RYR3: variants seen among roughly 807,000 people sequenced by gnomAD.
RYR3 encodes brain ryanodine receptor-calcium release channel.
Under a neutral mutation model 584.3 loss-of-function variants are expected in RYR3, and 207 were observed. The observed-to-expected ratio is 0.35, with a 90% CI of 0.32 to 0.40. The LOEUF is 0.40. Ranked by LOEUF, RYR3 falls within the 10% of genes least tolerant of loss-of-function variation. RYR3 has a pLI of 1.00. For synonymous variants in RYR3, 2,416 were observed against 2,248.5 expected, an observed-to-expected ratio of 1.07 and a Z score of -2.11; for missense variants, 5,616 against 6,089.2, an observed-to-expected ratio of 0.92 and a Z score of 2.59.
chr15:33,805,774 G>A (rs566518963), intron 69 of RYR3, among the ~76,000 whole-genome samples: 3 of 152,172 alleles, frequency 2.0e-5, no homozygotes, highest in East Asian at 3.9e-4. Flanking sequence ...ACCACACCCG[G>A]CCTTCTCTTT....
intron 32 of RYR3, among the ~76,000 whole-genome samples, chr15:33,657,269 T>C (rs1186664084): frequency 6.6e-6 from 1 of 152,216 alleles, no homozygotes; most frequent in Non-Finnish European, 1.5e-5. Flanking sequence ...GTTTGGGCAG[T>C]TTATGAAGTT....
chr15:33,472,374 A>G (rs2049002085), intron 1 of RYR3, among the ~76,000 whole-genome samples: 1 of 152,192 alleles, frequency 6.6e-6, no homozygotes, highest in Non-Finnish European at 1.5e-5. Flanking sequence ...TTTCTACTTA[A>G]TCTGCCTTTC....
intron 98 of RYR3, 103 bp from the exon 99 acceptor site, chr15:33,857,660 CCCCATTTCCTCTCCTTG>C (rs913094298): frequency 1.6e-5 from 20 of 1,260,804 alleles, no homozygotes; most frequent in Non-Finnish European, 2.1e-5. Flanking sequence ...TCCACCCCTT[CCCCATTTCCTCTCCTTG>C]CCCGTCCTCA....
chr15:33,782,751 C>T (rs2074460643), intron 65 of RYR3, among the ~76,000 whole-genome samples: 2 of 152,332 alleles, frequency 1.3e-5, no homozygotes, highest in Non-Finnish European at 2.9e-5. Context: ...TATTAATTGA[C>T]ACTTGATGCT....
intron 43 of RYR3, among the ~76,000 whole-genome samples, chr15:33,712,136 A>C (rs1400628245): frequency 2.0e-5 from 3 of 152,166 alleles, no homozygotes; most frequent in Non-Finnish European, 4.4e-5. Flanking sequence ...GAAAGCAGGC[A>C]TAAGGCAAGG....
chr15:33,768,549 C>A, intron 60 of RYR3, 109 bp from the exon 61 acceptor site: 1 of 925,226 alleles, frequency 1.1e-6, no homozygotes, highest in Non-Finnish European at 1.8e-6. Context: ...CCCTAGAATG[C>A]CACTCTGTGC....
intron 93 of RYR3, among the ~76,000 whole-genome samples, chr15:33,846,129 C>T (rs2078709880): frequency 6.6e-6 from 1 of 152,216 alleles, no homozygotes. Context: ...TCTCCTTCTC[C>T]ACGTGGCCTT....
chr15:33,535,251 G>GA (rs796334765), intron 5 of RYR3, among the ~76,000 whole-genome samples: 212 of 151,824 alleles, frequency 1.4e-3, no homozygotes, highest in Non-Finnish European at 2.3e-3. Context: ...TATAGATCTA[G>GA]AAAAAAAAAT....
At chr15:33,721,282 C>T (rs1008423048) in intron 43 of RYR3, among the ~76,000 whole-genome samples, 4 of 152,150 alleles carry the variant, frequency 2.6e-5, no homozygotes, top group Non-Finnish European at 5.9e-5. Flanking sequence ...TGTGAGTGAA[C>T]GTGGAAACTG....
chr15:33,729,101 A>G lies in RYR3; in HGVS notation c.7203+75A>G, dbSNP rs559489444. 1.8e-5 allele frequency: 23 copies of G among 1,283,556 alleles called. No individual in the cohort carries two copies. The South Asian group carries it at 3.2e-4, about 18-fold the overall frequency. 79.5% of individuals were successfully genotyped at this position (1,283,556 alleles called of 1,614,324 possible). ...AGTAATGTTGGACTTCGAAGCAAAT[A>G]TTTTCTCTTTACTCACCAATTACAT... On this transcript the variant is annotated intron_variant, in intron 47 of 103. Coordinates refer to ENST00000634891, the MANE Select transcript of RYR3 (RefSeq NM_001036.6).
intron 64 of RYR3, among the ~76,000 whole-genome samples, chr15:33,779,131 T>A (rs1210374293): frequency 1.3e-5 from 2 of 152,206 alleles, no homozygotes; most frequent in African/African-American, 2.4e-5. Context: ...GGAGAGCACT[T>A]CTATATACCC....
At chr15:33,487,990 C>A (rs749288148) in intron 2 of RYR3, among the ~76,000 whole-genome samples, 4 of 152,190 alleles carry the variant, frequency 2.6e-5, no homozygotes, top group African/African-American at 4.8e-5. Flanking sequence ...AAGTCAAGTG[C>A]AACACATGTC....
rs1402456828 is a variant in RYR3 at position 33,644,329 on chromosome 15, G to C, written c.3575G>C (p.Cys1192Ser). 6 of 1,611,766 alleles carry C rather than the reference G, an allele frequency of 3.7e-6. No individual in the cohort carries two copies. The South Asian group carries it at 4.4e-5, about 12-fold the overall frequency. ...EIENGFVPIC[C>S]LGLSQIGRMN... is the part of the protein sequence containing the mutation. ...TCTGCAGGCTTCGTGCCCATCTGCTGTCTGGGTCTATCTCAGATCGGCCGC... is the reference window on the plus strand; with the variant it reads ...TCTGCAGGCTTCGTGCCCATCTGCTCTCTGGGTCTATCTCAGATCGGCCGC... Residue 1192 changes from cysteine (C) to serine (S), a missense_variant, in exon 28 of 104, where the codon TGT becomes TCT. Around this residue, in one of 9 missense-constraint regions of RYR3, gnomAD observed 152 missense variants for 200.9 expected, o/e 0.76. Coordinates refer to ENST00000634891, the MANE Select transcript of RYR3 (RefSeq NM_001036.6).
intron 38 of RYR3, among the ~76,000 whole-genome samples, chr15:33,691,346 C>T (rs1426125574): frequency 1.3e-5 from 2 of 152,172 alleles, no homozygotes; most frequent in East Asian, 3.9e-4. Flanking sequence ...TTAAAAATCA[C>T]ATTTGTTAGT....
At chr15:33,587,396 G>T (rs2058910411) in intron 16 of RYR3, among the ~76,000 whole-genome samples, 1 of 152,140 alleles carries the variant, frequency 6.6e-6, no homozygotes, top group South Asian at 2.1e-4. Flanking sequence ...TGCCCCAGAG[G>T]TTTCTTTATT....
chr15:33,469,013 G>A (rs552861462), intron 1 of RYR3, among the ~76,000 whole-genome samples: 5 of 152,298 alleles, frequency 3.3e-5, no homozygotes, highest in East Asian at 3.9e-4. Context: ...GTTCTTGTGC[G>A]TAAAGCATGG....
At position 33,530,554 on chromosome 15, in the gene RYR3, C is replaced by T. The variant is rs746644049; in HGVS notation, c.280-38C>T. 7.3e-5 allele frequency: 106 copies of T among 1,454,456 alleles called. No individual in the cohort carries two copies. In the Admixed American group the frequency reaches 1.4e-3, roughly 19 times the overall value. 90.1% of individuals were successfully genotyped at this position (1,454,456 alleles called of 1,614,324 possible). A position where few individuals can be genotyped will look rare whatever the true frequency, so the allele number is the denominator to read the frequency against. On this transcript the variant is annotated intron_variant, in intron 3 of 103. Coordinates refer to ENST00000634891, the MANE Select transcript of RYR3 (RefSeq NM_001036.6). Reference sequence around the variant, plus strand: ...TGCTTGGCTCCCGGAGAAGCCACAACGGGCATGTGCTGACCTTATTCTTCC... The same window carrying T: ...TGCTTGGCTCCCGGAGAAGCCACAATGGGCATGTGCTGACCTTATTCTTCC...
chr15:33,672,171 A>C (rs1344293698), intron 38 of RYR3, among the ~76,000 whole-genome samples: 3 of 151,776 alleles, frequency 2.0e-5, no homozygotes, highest in Non-Finnish European at 4.4e-5. Flanking sequence ...GTGGGGTCCC[A>C]CCAGGTGACC....
At chr15:33,805,539 G>GC (rs2076144683) in intron 69 of RYR3, among the ~76,000 whole-genome samples, 1 of 150,078 alleles carries the variant, frequency 6.7e-6, no homozygotes, top group Admixed American at 6.7e-5. Flanking sequence ...GTACAGTGGT[G>GC]CGATCTCGGC....
Sources: gnomAD v4.1 joint callset for allele counts (sites outside exome capture counted in the v4.1 genomes callset) on GRCh38, gnomAD v4.1.1 for gene constraint, gnomAD v4.1.1 regional missense constraint, MANE v1.5 for transcripts, NCBI Gene and HGNC (gene_info 2026-07-23, HGNC 2026-07-21) for gene names.